The following TMEM232 variants were observed in gnomAD, a reference collection of about 807,000 sequenced individuals.
TMEM232 encodes the protein transmembrane protein 232.
TMEM232 carries 80 observed loss-of-function variants against 78.8 expected under a neutral mutation model. The observed-to-expected ratio is 1.01, with a 90% CI of 0.85 to 1.22. The LOEUF (loss-of-function observed/expected upper bound fraction) is 1.22. TMEM232 is among the 50% of genes most tolerant of loss of function. The pLI, the probability that TMEM232 is intolerant of heterozygous loss-of-function variation, is 0.00. For synonymous variants in TMEM232, 297 were observed against 254.3 expected, an observed-to-expected ratio of 1.17 and a Z score of -1.60; for missense variants, 881 against 742.2, an observed-to-expected ratio of 1.19 and a Z score of -2.17.
At chr5:110,445,363 T>A (rs1263731203) in intron 12 of TMEM232, among the ~76,000 whole-genome samples, 1 of 152,152 alleles carries the variant, frequency 6.6e-6, no homozygotes, top group African/African-American at 2.4e-5. Context: ...ATGAAGCCAT[T>A]ATTACATTCA....
chr5:110,451,905 G>C (rs1238562476), intron 12 of TMEM232, among the ~76,000 whole-genome samples: 1 of 151,846 alleles, frequency 6.6e-6, no homozygotes, highest in African/African-American at 2.4e-5. Context: ...TTTTCTTATA[G>C]TTCACCAATT....
At chr5:110,426,133 T>C (rs141655477) in intron 12 of TMEM232, among the ~76,000 whole-genome samples, 31 of 152,114 alleles carry the variant, frequency 2.0e-4, no homozygotes, top group Non-Finnish European at 3.8e-4. Flanking sequence ...TCTTTCTCCT[T>C]CTTCTAGCCC....
chr5:110,578,745 G>A (rs1314666092), intron 10 of TMEM232, among the ~76,000 whole-genome samples: 4 of 151,508 alleles, frequency 2.6e-5, no homozygotes, highest in Admixed American at 6.6e-5. Flanking sequence ...AGAAAACACT[G>A]GACTCTCTTT....
At chr5:110,594,023 C>T (rs1329633489) in intron 10 of TMEM232, among the ~76,000 whole-genome samples, 1 of 151,794 alleles carries the variant, frequency 6.6e-6, no homozygotes, top group Admixed American at 6.6e-5. Context: ...GCAAGATGGC[C>T]GAATAGGAAC....
chr5:110,499,949 T>C (rs1467680528), intron 12 of TMEM232, among the ~76,000 whole-genome samples: 1 of 152,166 alleles, frequency 6.6e-6, no homozygotes, highest in Non-Finnish European at 1.5e-5. Context: ...CTTTGCAAAG[T>C]GTACCTAGAG....
At chr5:110,538,262 C>T (rs1194905137) in intron 11 of TMEM232, among the ~76,000 whole-genome samples, 1 of 152,142 alleles carries the variant, frequency 6.6e-6, no homozygotes, top group African/African-American at 2.4e-5. Flanking sequence ...CACAGCATTT[C>T]ATTAGCCAAT....
intron 12 of TMEM232, among the ~76,000 whole-genome samples, chr5:110,496,627 C>A (rs111835029): frequency 6.6e-6 from 1 of 151,878 alleles, no homozygotes; most frequent in Admixed American, 6.6e-5. Context: ...AGGACACATG[C>A]GGTTCTTTCA....
At chr5:110,524,411 GAA>G (rs372701386) in intron 12 of TMEM232, among the ~76,000 whole-genome samples, 8 of 61,426 alleles carry the variant, frequency 1.3e-4, no homozygotes, top group Non-Finnish European at 3.1e-4. Context: ...AAGAAAGAAA[GAA>G]AGAAAAGAAA....
chr5:110,470,936 A>C (rs771218351), intron 12 of TMEM232, among the ~76,000 whole-genome samples: 1 of 152,200 alleles, frequency 6.6e-6, no homozygotes, highest in Non-Finnish European at 1.5e-5. Flanking sequence ...ATTCAAAATA[A>C]TGACCTTAAG....
intron 1 of TMEM232, among the ~76,000 whole-genome samples, chr5:110,680,922 G>T (rs1012631435): frequency 2.6e-5 from 4 of 151,998 alleles, no homozygotes; most frequent in Non-Finnish European, 5.9e-5. Flanking sequence ...ATGGGTAGGG[G>T]TAGAGAAGAA....
intron 12 of TMEM232, among the ~76,000 whole-genome samples, chr5:110,458,216 CTTG>C (rs1430660950): frequency 1.3e-5 from 2 of 151,514 alleles, no homozygotes; most frequent in African/African-American, 2.4e-5. Context: ...CTACCCCTCA[CTTG>C]TTGTCCTCCT....
chr5:110,557,129 G>C (rs1038019498), intron 11 of TMEM232, among the ~76,000 whole-genome samples: 2 of 151,924 alleles, frequency 1.3e-5, no homozygotes, highest in Non-Finnish European at 2.9e-5. Flanking sequence ...TCGTCTTTGA[G>C]CTCCAAGATT....
intron 11 of TMEM232, among the ~76,000 whole-genome samples, chr5:110,539,065 C>A (rs1356622863): frequency 4.6e-5 from 7 of 152,174 alleles, no homozygotes; most frequent in African/African-American, 1.7e-4. Flanking sequence ...GTAAGCATCA[C>A]CTGGCAGAAT....
chr5:110,563,955 T>C (rs945995208), intron 11 of TMEM232, among the ~76,000 whole-genome samples: 15 of 151,980 alleles, frequency 9.9e-5, no homozygotes, highest in East Asian at 1.9e-4. Flanking sequence ...TCTTTAAGGA[T>C]TGTTATTCCA....
chr5:110,577,408 C>T (rs1259640600), intron 10 of TMEM232, among the ~76,000 whole-genome samples: 1 of 152,028 alleles, frequency 6.6e-6, no homozygotes, highest in Admixed American at 6.6e-5. Context: ...AAAAGAAATG[C>T]TTATACACTG....
At chr5:110,702,290 T>C (rs976080005) in intron 1 of TMEM232, among the ~76,000 whole-genome samples, 5 of 152,036 alleles carry the variant, frequency 3.3e-5, no homozygotes, top group Admixed American at 6.6e-5. Flanking sequence ...TGGAGGACAG[T>C]ATAGTCCTAT....
chr5:110,469,049 A>C (rs565387452), intron 12 of TMEM232, among the ~76,000 whole-genome samples: 1 of 152,150 alleles, frequency 6.6e-6, no homozygotes. Flanking sequence ...AGCAGCCCCA[A>C]TCAACATTTT....
intron 10 of TMEM232, among the ~76,000 whole-genome samples, chr5:110,577,351 A>G (rs1357663248): frequency 1.3e-5 from 2 of 152,046 alleles, no homozygotes; most frequent in Non-Finnish European, 2.9e-5. Context: ...TCAGAATGGC[A>G]ATTGTTAAAA....
chr5:110,600,237 A>C (rs148390261), intron 10 of TMEM232, among the ~76,000 whole-genome samples: 1 of 152,202 alleles, frequency 6.6e-6, no homozygotes, highest in African/African-American at 2.4e-5. Context: ...ACACCCTAAC[A>C]TCACAGTTAA....
Sources: allele counts gnomAD v4.1 joint callset (sites outside exome capture counted in the v4.1 genomes callset), GRCh38; gene constraint gnomAD v4.1.1; transcripts MANE v1.5; gene names NCBI Gene and HGNC (gene_info 2026-07-23, HGNC 2026-07-21).